Variants in KLHL26 observed in about 807,000 individuals in gnomAD.
KLHL26 encodes kelch-like protein 26.
A neutral mutation model predicts 7.1 loss-of-function variants in KLHL26; 4 were observed. The ratio of observed to expected loss-of-function variants is 0.56; its 90% CI spans 0.28 to 1.28. The LOEUF is 1.28. KLHL26 is among the 50% of genes most tolerant of loss of function. The probability of loss-of-function intolerance (pLI) is 0.11; values close to 1 mark genes in which losing one functional copy is unlikely to be tolerated. For missense variants in KLHL26, 896 were observed against 924.6 expected (o/e 0.97, Z 0.40); for synonymous variants, 465 against 414.1 (o/e 1.12, Z -1.49).
At chr19:18,640,992 G>A (rs1976702336) in intron 1 of KLHL26, among the ~76,000 whole-genome samples, 1 of 152,068 alleles carries the variant, frequency 6.6e-6, no homozygotes, top group African/African-American at 2.4e-5. Flanking sequence ...TTATAGGTGT[G>A]TGCTGGTGTC....
At chr19:18,666,671 C>T (rs1449821685) in intron 2 of KLHL26, among the ~76,000 whole-genome samples, 2 of 152,138 alleles carry the variant, frequency 1.3e-5, no homozygotes, top group East Asian at 1.9e-4. Flanking sequence ...GGAGGTGCTT[C>T]CCCGACCACC....
At chr19:18,639,182 T>G (rs1387190033) in intron 1 of KLHL26, among the ~76,000 whole-genome samples, 1 of 149,252 alleles carries the variant, frequency 6.7e-6, no homozygotes, top group Non-Finnish European at 1.5e-5. Flanking sequence ...TTCAAGGGAT[T>G]TTCCTGCCTC....
intron 1 of KLHL26, among the ~76,000 whole-genome samples, chr19:18,641,316 C>CTTTT (rs61471216): frequency 9.5e-6 from 1 of 105,108 alleles, no homozygotes; most frequent in African/African-American, 3.7e-5. Flanking sequence ...GTTGGGTTGC[C>CTTTT]TTTTTTTTTT....
intron 1 of KLHL26, among the ~76,000 whole-genome samples, chr19:18,653,944 TGTCCACCCACCC>T: frequency 3.3e-5 from 1 of 29,870 alleles, no homozygotes; most frequent in Non-Finnish European, 6.4e-5. Context: ...TCCACCCACC[TGTCCACCCACCC>T]ACCCATCCAT....
chr19:18,671,264 A>T lies in KLHL26; in HGVS notation c.*2019A>T, dbSNP rs1207224462. The T allele has an allele frequency of 6.6e-6, 1 of 152,196 alleles. No homozygotes were observed. Among genetic ancestry groups the T allele is most frequent in the Non-Finnish European group, 1.5e-5 (1 of 68,052 alleles). The allele number at this position is 152,196 out of a possible 1,614,324, so 9.4% of individuals were successfully genotyped here. ...GGGGCTGGGGTAACACTAGAGGCTG[A>T]GGGGGTGGGCAGTGCTAAAATAGGA... On this transcript the variant is annotated 3_prime_UTR_variant, in exon 3 of 3. Transcript: ENST00000300976.
chr19:18,663,280 C>T (rs965356821), intron 1 of KLHL26, among the ~76,000 whole-genome samples: 4 of 152,186 alleles, frequency 2.6e-5, no homozygotes, highest in South Asian at 2.1e-4. Flanking sequence ...CCCCTCTCCC[C>T]GGCAGTTTGT....
At chr19:18,665,283 C>G (rs1412589347) in intron 2 of KLHL26, among the ~76,000 whole-genome samples, 4 of 152,266 alleles carry the variant, frequency 2.6e-5, no homozygotes, top group African/African-American at 9.6e-5. Context: ...GTCTTGATTT[C>G]CTGACCTCAT....
chr19:18,668,867 C>T lies in KLHL26; in HGVS notation c.1470C>T (p.Phe490=). 6.3e-7 allele frequency: 1 copy of T among 1,593,538 alleles called. No homozygotes were observed. The highest frequency in any genetic ancestry group is 8.5e-7 in the Non-Finnish European group (1 of 1,175,400). Residue 490 remains phenylalanine (F), a synonymous_variant, in exon 3 of 3, where the codon TTC becomes TTT. Coordinates refer to ENST00000300976, the MANE Select transcript of KLHL26 (RefSeq NM_018316.3). ...CYDPVADQWE[F]KAPMSEPRVL... The stretch of plus-strand genomic sequence containing the variant: ...ACCCCGTGGCCGACCAGTGGGAGTT[C>T]AAGGCGCCCATGAGCGAACCCCGCG...
At chr19:18,651,342 C>T (rs1186303552) in intron 1 of KLHL26, among the ~76,000 whole-genome samples, 2 of 152,162 alleles carry the variant, frequency 1.3e-5, no homozygotes, top group African/African-American at 4.8e-5. Flanking sequence ...GCCAAGTCCC[C>T]ATCCCAGGAT....
rs768275625 is a variant in KLHL26, at chr19:18,637,050, G to A, written c.-5G>A. ...GTCACTCGAACGCGCGACGGCGGGG[G>A]GAAGATGGCGGAGTCCGGCGGTAGC... On this transcript the variant is annotated 5_prime_UTR_variant, in exon 1 of 3. Transcript: ENST00000300976. 2 of 1,351,914 alleles carry A rather than the reference G, an allele frequency of 1.5e-6. No homozygotes were observed. Among genetic ancestry groups the A allele is most frequent in the Non-Finnish European group, 1.9e-6 (2 of 1,045,948 alleles). The allele number at this position is 1,351,914 out of a possible 1,614,324, so 83.7% of individuals were successfully genotyped here. A position where few individuals can be genotyped will look rare whatever the true frequency, so the allele number is the denominator to read the frequency against.
chr19:18,668,944 G>T lies in KLHL26; in HGVS notation c.1547G>T (p.Arg516Leu). The change falls in exon 3 of 3, where the codon CGC becomes CTC. Residue 516 changes from arginine (R) to leucine (L), a missense_variant. Physicochemically the swap from Arg to Leu is moderately radical, Grantham distance 102. Coordinates refer to ENST00000300976, the MANE Select transcript of KLHL26 (RefSeq NM_018316.3). ...GGCCGCATCTATGCCCTCGGGGGCC[G>T]CATGGACCACGTGGACCGCTGCTTC... ...AGGRIYALGG[R>L]MDHVDRCFDV... The T allele has an allele frequency of 6.2e-7, 1 of 1,610,126 alleles. No homozygotes were observed. Among genetic ancestry groups the T allele is most frequent in the South Asian group, 1.1e-5 (1 of 91,074 alleles).
At position 18,646,957 on chromosome 19, in the gene KLHL26, G is replaced by C. The variant is rs1007869694; in HGVS notation, c.83+9820G>C. On this transcript the variant is annotated intron_variant, in intron 1 of 2. Transcript: ENST00000300976. This position sits in a 1 kb window ranked among gnomAD's most constrained non-coding sequence, Gnocchi z 5.0. ...CCTGGGAGCAGGAGCTCGGCAGGGC[G>C]GGGGCAGGGGCGGCGGGGGGTGGCG... Among the ~76,000 whole-genome samples, 14 of 152,086 alleles carry C rather than the reference G, an allele frequency of 9.2e-5. No individual in the cohort carries two copies. The highest frequency in any genetic ancestry group is 4.6e-4 in the Admixed American group (7 of 15,276).
chr19:18,658,155 C>T (rs1055649593), intron 1 of KLHL26, among the ~76,000 whole-genome samples: 2 of 152,160 alleles, frequency 1.3e-5, no homozygotes, highest in African/African-American at 4.8e-5. Context: ...GCGGTGTTCC[C>T]ATCTTGGAGA....
chr19:18,662,178 C>T (rs2052398304), intron 1 of KLHL26, among the ~76,000 whole-genome samples: 1 of 152,186 alleles, frequency 6.6e-6, no homozygotes, highest in South Asian at 2.1e-4. Context: ...CACATGCACA[C>T]CTGCCTCCAA....
At chr19:18,640,911 T>C (rs1976701190) in intron 1 of KLHL26, among the ~76,000 whole-genome samples, 1 of 152,140 alleles carries the variant, frequency 6.6e-6, no homozygotes, top group African/African-American at 2.4e-5. Context: ...CCACCAGCAA[T>C]GTTCAAGAGT....
At chr19:18,666,146 A>T (rs1040616855) in intron 2 of KLHL26, among the ~76,000 whole-genome samples, 2 of 151,996 alleles carry the variant, frequency 1.3e-5, no homozygotes, top group Non-Finnish European at 2.9e-5. Context: ...ACCCGTGGGG[A>T]CAAGCGGGGC....
Position 18,669,641 on chromosome 19 carries a change from A to G in KLHL26, c.*396A>G. ...CAGGCATTCAGATGTGAGCTCATCA[A>G]CATTGAACCCAAAGTCGGTGGTATA... On this transcript the variant is annotated 3_prime_UTR_variant, in exon 3 of 3. Transcript: ENST00000300976. The G allele has an allele frequency of 2.6e-6, 1 of 387,532 alleles. No homozygotes were observed. Among genetic ancestry groups the G allele is most frequent in the South Asian group, 6.4e-5 (1 of 15,550 alleles). 24.0% of individuals were successfully genotyped at this position (387,532 alleles called of 1,614,324 possible). A position where few individuals can be genotyped will look rare whatever the true frequency, so the allele number is the denominator to read the frequency against.
chr19:18,669,140 C>A lies in KLHL26; in HGVS notation c.1743C>A (p.Tyr581Ter), dbSNP rs369728060. The change falls in exon 3 of 3, where the codon TAC (tyrosine) becomes TAA (stop). Residue 581 changes from tyrosine to a stop codon, truncating the protein, a stop_gained. Coordinates refer to ENST00000300976, the MANE Select transcript of KLHL26 (RefSeq NM_018316.3). LOFTEE classifies it high-confidence loss of function. Reference sequence around the variant, plus strand: ...ACGTCACGGGCATCGTACAGGTGTACAACACGGACACCGACGAGTGGGAGC... The same window carrying A: ...ACGTCACGGGCATCGTACAGGTGTAAAACACGGACACCGACGAGTGGGAGC... The part of the protein sequence containing the change: ...LNNVTGIVQV[Y>*]NTDTDEWERD... 9 of 1,612,780 alleles carry A rather than the reference C, an allele frequency of 5.6e-6. No homozygotes were observed. The highest frequency in any genetic ancestry group is 7.6e-6 in the Non-Finnish European group (9 of 1,179,970).
In KLHL26 at chr19:18,667,751, C is replaced by G. The variant is rs377410964; in HGVS notation, c.354C>G (p.Ile118Met). Residue 118 changes from isoleucine to methionine, a missense_variant, in exon 3 of 3, where the codon ATC becomes ATG. Ile to Met is a conservative substitution (Grantham distance 10). Coordinates refer to ENST00000300976, the MANE Select transcript of KLHL26 (RefSeq NM_018316.3). ...GVSARGLRHI[I>M]DFAYSAEVTL... is the part of the protein sequence containing the mutation. ...CGGCCCGTGGCCTGCGGCACATCATCGACTTCGCCTACAGCGCCGAGGTGA... is the reference window on the plus strand; with the variant it reads ...CGGCCCGTGGCCTGCGGCACATCATGGACTTCGCCTACAGCGCCGAGGTGA... 1.2e-6 allele frequency: 2 copies of G among 1,613,172 alleles called. No homozygotes were observed. The highest frequency in any genetic ancestry group is 1.7e-6 in the Non-Finnish European group (2 of 1,180,016).
Sources: gnomAD v4.1 joint callset for allele counts (sites outside exome capture counted in the v4.1 genomes callset) on GRCh38, gnomAD v4.1.1 for gene constraint, Gnocchi (gnomAD v3.1) non-coding constraint, MANE v1.5 for transcripts, NCBI Gene and HGNC (gene_info 2026-07-23, HGNC 2026-07-21) for gene names.